The following TSNARE1 variants were observed in gnomAD, a reference collection of about 807,000 sequenced individuals.
TSNARE1 encodes t-SNARE domain containing 1, also known as t-SNARE domain-containing protein 1.
Under a neutral mutation model 62.0 loss-of-function variants are expected in TSNARE1, and 49 were observed. That is an observed-to-expected ratio of 0.79 (90% CI 0.63 to 1.00). The LOEUF (loss-of-function observed/expected upper bound fraction) is 1.00. Among genes scored for constraint, TSNARE1 ranks in the 50% least tolerant of loss-of-function variants. The pLI, the probability that TSNARE1 is intolerant of heterozygous loss-of-function variation, is 0.00. For synonymous variants in TSNARE1, 328 were observed against 294.4 expected, an observed-to-expected ratio of 1.11 and a Z score of -1.17; for missense variants, 755 against 700.1, an observed-to-expected ratio of 1.08 and a Z score of -0.88.
intron 12 of TSNARE1, among the ~76,000 whole-genome samples, chr8:142,235,892 G>C (rs1473395127): frequency 1.3e-5 from 2 of 152,206 alleles, no homozygotes; most frequent in Non-Finnish European, 2.9e-5. Flanking sequence ...GGATGGACAA[G>C]TTGAGGAGCA....
chr8:142,272,326 G>C (rs1161749063), intron 12 of TSNARE1, among the ~76,000 whole-genome samples: 1 of 125,314 alleles, frequency 8.0e-6, no homozygotes, highest in African/African-American at 3.0e-5. Flanking sequence ...CCATCCACCC[G>C]CCCGTCTACA....
At chr8:142,325,578 G>A (rs1306502074) in intron 6 of TSNARE1, among the ~76,000 whole-genome samples, 2 of 152,200 alleles carry the variant, frequency 1.3e-5, no homozygotes, top group South Asian at 4.1e-4. Context: ...GCAGGGTGGC[G>A]TGGGGTCCTG....
At chr8:142,292,237 T>C (rs1360440327) in intron 10 of TSNARE1, among the ~76,000 whole-genome samples, 2 of 151,974 alleles carry the variant, frequency 1.3e-5, no homozygotes, top group Non-Finnish European at 2.9e-5. Context: ...TCCGAGCTAG[T>C]GGACAGGGAA....
chr8:142,280,322 A>AC, intron 11 of TSNARE1: 1 of 985,212 alleles, frequency 1.0e-6, no homozygotes, highest in Non-Finnish European at 1.2e-6. Context: ...CTGCTGCTGG[A>AC]CCCTGGAAAG....
chr8:142,391,591 C>T (rs778769573), intron 1 of TSNARE1, among the ~76,000 whole-genome samples: 2 of 152,210 alleles, frequency 1.3e-5, no homozygotes, highest in Admixed American at 6.5e-5. Context: ...CGGTTCCTGG[C>T]GCCTCCAAGC....
chr8:142,265,335 A>G (rs2130432099), intron 12 of TSNARE1, among the ~76,000 whole-genome samples: 1 of 152,292 alleles, frequency 6.6e-6, no homozygotes, highest in South Asian at 2.1e-4. Flanking sequence ...AGAATGTTAC[A>G]GAAATGGAGT....
chr8:142,341,233 T>C (rs1466950474), intron 4 of TSNARE1, among the ~76,000 whole-genome samples: 1 of 151,950 alleles, frequency 6.6e-6, no homozygotes, highest in African/African-American at 2.4e-5. Flanking sequence ...ACATTGAGAG[T>C]GCCCTCAAGT....
chr8:142,396,123 C>T (rs1351662376), intron 1 of TSNARE1, among the ~76,000 whole-genome samples: 1 of 152,088 alleles, frequency 6.6e-6, no homozygotes, highest in Non-Finnish European at 1.5e-5. Flanking sequence ...CCAGACCATG[C>T]CACACTCAAC....
At chr8:142,338,135 C>T (rs1171117666) in intron 4 of TSNARE1, among the ~76,000 whole-genome samples, 2 of 152,252 alleles carry the variant, frequency 1.3e-5, no homozygotes, top group Admixed American at 6.5e-5. Flanking sequence ...CCGTCCCCAT[C>T]CCCACCCTCC....
At chr8:142,269,936 C>G (rs1345354964) in intron 12 of TSNARE1, 1 of 985,318 alleles carries the variant, frequency 1.0e-6, no homozygotes, top group African/African-American at 1.7e-5. Flanking sequence ...GAGGAAAAGG[C>G]CCCTCTCCCT....
At chr8:142,275,090 G>GGAC (rs1169758305) in intron 11 of TSNARE1, 3 of 985,258 alleles carry the variant, frequency 3.0e-6, no homozygotes, top group Non-Finnish European at 2.4e-6. Flanking sequence ...CCAGGGAAGG[G>GGAC]GACTCCTCAG....
chr8:142,225,038 C>A (rs938764266), intron 13 of TSNARE1, among the ~76,000 whole-genome samples: 2 of 152,100 alleles, frequency 1.3e-5, no homozygotes, highest in East Asian at 3.9e-4. Flanking sequence ...CAGGCCTGTT[C>A]GCCTCCCTTC....
In TSNARE1 at chr8:142,274,791, C is replaced by A. The variant is rs1244239305; in HGVS notation, c.1436G>T (p.Ser479Ile). 2 of 1,573,240 alleles carry A rather than the reference C, an allele frequency of 1.3e-6. No individual in the cohort carries two copies. Among genetic ancestry groups the A allele is most frequent in the Non-Finnish European group, 1.7e-6 (2 of 1,160,132 alleles). The change falls in exon 12 of 14, where the codon AGC becomes ATC. Residue 479 changes from serine to isoleucine, a missense_variant. Coordinates refer to ENST00000524325, the MANE Select transcript of TSNARE1 (RefSeq NM_145003.5). ...EAARQLLAGA[S>I]RHQLQRHKIK... ...CTCACACGGACTTACTTGGTGCCGG[C>A]TGGCTCCAGCCAGGAGCTGGCGGGC...
chr8:142,394,495 T>C (rs913588949), intron 1 of TSNARE1, among the ~76,000 whole-genome samples: 2 of 152,158 alleles, frequency 1.3e-5, no homozygotes, highest in African/African-American at 4.8e-5. Context: ...GGTCTAAGAC[T>C]AGAACCTCCG....
In TSNARE1 at chr8:142,330,889, C is replaced by G. The variant is rs1830932313; in HGVS notation, c.893+12G>C. The G allele has an allele frequency of 1.2e-6, 2 of 1,613,880 alleles. No individual in the cohort carries two copies. Among genetic ancestry groups the G allele is most frequent in the South Asian group, 2.2e-5 (2 of 91,074 alleles). ...CGCCCAGGCAAAGAGATACCATGGC[C>G]CACACACTCACAGGCTGTCCCGAAG... On this transcript the variant is annotated intron_variant, in intron 6 of 13. Coordinates refer to ENST00000524325, the MANE Select transcript of TSNARE1 (RefSeq NM_145003.5).
At chr8:142,393,524 CA>C (rs1187505636) in intron 1 of TSNARE1, among the ~76,000 whole-genome samples, 2 of 152,266 alleles carry the variant, frequency 1.3e-5, no homozygotes, top group African/African-American at 2.4e-5. Context: ...TATTATTTCT[CA>C]CAACTGTATG....
intron 12 of TSNARE1, among the ~76,000 whole-genome samples, chr8:142,251,488 G>A (rs1274732126): frequency 2.6e-5 from 4 of 152,180 alleles, no homozygotes; most frequent in Admixed American, 1.3e-4. Flanking sequence ...GCAGCTCAGG[G>A]CAGAGGTTGT....
chr8:142,394,504 C>A (rs562718288), intron 1 of TSNARE1, among the ~76,000 whole-genome samples: 2 of 152,140 alleles, frequency 1.3e-5, no homozygotes, highest in African/African-American at 4.8e-5. Context: ...CTAGAACCTC[C>A]GGGGTTCCAA....
At chr8:142,365,601 C>T (rs1448052293) in intron 1 of TSNARE1, among the ~76,000 whole-genome samples, 12 of 116,624 alleles carry the variant, frequency 1.0e-4, no homozygotes, top group African/African-American at 3.2e-4. Context: ...CACATGCACA[C>T]GCACACACAC....
Sources: gnomAD v4.1 joint callset for allele counts (sites outside exome capture counted in the v4.1 genomes callset) on GRCh38, gnomAD v4.1.1 for gene constraint, MANE v1.5 for transcripts, NCBI Gene and HGNC (gene_info 2026-07-23, HGNC 2026-07-21) for gene names.